PDGFC: variants seen among roughly 807,000 people sequenced by gnomAD.
PDGFC encodes platelet-derived growth factor C.
In PDGFC, 12 loss-of-function variants were observed where a neutral mutation model predicts 35.5. The observed-to-expected ratio is 0.34, with a 90% CI of 0.22 to 0.55. The LOEUF (loss-of-function observed/expected upper bound fraction) is 0.55. Among genes scored for constraint, PDGFC ranks in the 20% least tolerant of loss-of-function variants. The pLI is 0.91. For missense variants in PDGFC, 322 were observed against 412.4 expected (o/e 0.78, Z 1.90); for synonymous variants, 159 against 148.8 (o/e 1.07, Z -0.50).
intron 3 of PDGFC, among the ~76,000 whole-genome samples, chr4:156,790,831 G>C (rs1358910447): frequency 6.6e-5 from 10 of 152,138 alleles, no homozygotes; most frequent in Admixed American, 6.5e-4. Flanking sequence ...TACTGAGAAC[G>C]GGGCAAGCCA....
rs1732580306 is a variant in PDGFC at position 156,971,011 on chromosome 4, G to T, written c.-108C>A. 2.9e-6 allele frequency: 2 copies of T among 697,098 alleles called. No homozygotes were observed. Among genetic ancestry groups the T allele is most frequent in the Admixed American group, 4.5e-5 (2 of 44,296 alleles). The allele number at this position is 697,098 out of a possible 1,614,324, so 43.2% of individuals were successfully genotyped here. A position where few individuals can be genotyped will look rare whatever the true frequency, so the allele number is the denominator to read the frequency against. On this transcript the variant is annotated 5_prime_UTR_variant, in exon 1 of 6. Transcript: ENST00000502773. ...AAGGCTGCACTGGGGTGGAAGCGCC[G>T]AGCCTGCTCTGGCAGCAGAGAATCG...
At chr4:156,906,554 T>C (rs1730919532) in intron 1 of PDGFC, among the ~76,000 whole-genome samples, 1 of 152,192 alleles carries the variant, frequency 6.6e-6, no homozygotes, top group Admixed American at 6.5e-5. Flanking sequence ...TTTCACTACA[T>C]TGTAATTAAG....
intron 1 of PDGFC, among the ~76,000 whole-genome samples, chr4:156,877,828 AT>A (rs1310844887): frequency 5.9e-5 from 9 of 151,890 alleles, no homozygotes; most frequent in Admixed American, 5.9e-4. Flanking sequence ...TGCATCCCAC[AT>A]TTTTTTGCTT....
chr4:156,835,471 A>G (rs1729041074), intron 2 of PDGFC, among the ~76,000 whole-genome samples: 1 of 152,112 alleles, frequency 6.6e-6, no homozygotes, highest in South Asian at 2.1e-4. Context: ...ATATGCTTGG[A>G]TGAAGGCAAA....
intron 3 of PDGFC, among the ~76,000 whole-genome samples, chr4:156,794,581 T>A (rs1731387891): frequency 6.6e-6 from 1 of 151,820 alleles, no homozygotes; most frequent in South Asian, 2.1e-4. Context: ...TTTACTTTGG[T>A]GAGTAATATT....
At chr4:156,772,157 A>G (rs1344288452) in intron 4 of PDGFC, among the ~76,000 whole-genome samples, 1 of 152,180 alleles carries the variant, frequency 6.6e-6, no homozygotes, top group East Asian at 1.9e-4. Flanking sequence ...TCCTGCCTTG[A>G]AAACTATGAA....
At chr4:156,807,210 G>A (rs1323921981) in intron 3 of PDGFC, among the ~76,000 whole-genome samples, 1 of 151,896 alleles carries the variant, frequency 6.6e-6, no homozygotes, top group Non-Finnish European at 1.5e-5. Flanking sequence ...TCATTGAAAT[G>A]CTGTAATTTT....
intron 2 of PDGFC, among the ~76,000 whole-genome samples, chr4:156,819,096 T>C (rs545845556): frequency 2.0e-5 from 3 of 152,182 alleles, no homozygotes; most frequent in Non-Finnish European, 4.4e-5. Flanking sequence ...AGAAGAAAAG[T>C]TGGAAGCTAA....
chr4:156,963,324 G>A (rs1732385893), intron 1 of PDGFC, among the ~76,000 whole-genome samples: 1 of 151,910 alleles, frequency 6.6e-6, no homozygotes, highest in Non-Finnish European at 1.5e-5. Flanking sequence ...ACAAATATTA[G>A]CAGGGAGTGG....
chr4:156,872,207 A>C (rs1730000391), intron 1 of PDGFC, among the ~76,000 whole-genome samples: 1 of 152,164 alleles, frequency 6.6e-6, no homozygotes, highest in African/African-American at 2.4e-5. Flanking sequence ...ATGCTAATAT[A>C]ATATACTTAA....
At chr4:156,914,891 A>C (rs1222650702) in intron 1 of PDGFC, among the ~76,000 whole-genome samples, 2 of 125,290 alleles carry the variant, frequency 1.6e-5, no homozygotes, top group Non-Finnish European at 3.5e-5. Context: ...GCTTTACAAT[A>C]CCCAGGATTG....
rs79079015 is a variant in PDGFC at position 156,814,501 on chromosome 4, C to T, written c.315-3484G>A. 2.6e-3 allele frequency among the ~76,000 whole-genome samples: 396 copies of T among 152,042 alleles called. 1 individual carries two copies. The highest frequency in any genetic ancestry group is 9.0e-3 in the African/African-American group (372 of 41,476). On this transcript the variant is annotated intron_variant, in intron 2 of 5. Transcript: ENST00000502773. ...AACTAAAAAGTATCATTGGATTTGG[C>T]CAGGATGAAGTCATTTCAATACACT...
At chr4:156,966,325 G>A (rs567020081) in intron 1 of PDGFC, among the ~76,000 whole-genome samples, 5 of 152,090 alleles carry the variant, frequency 3.3e-5, no homozygotes, top group African/African-American at 7.2e-5. Context: ...TTCTGATTAC[G>A]TATAATGCTT....
chr4:156,964,298 T>G (rs962255496), intron 1 of PDGFC, among the ~76,000 whole-genome samples: 8 of 151,402 alleles, frequency 5.3e-5, no homozygotes, highest in Non-Finnish European at 7.4e-5. Context: ...TTGCTTAAAG[T>G]ACAGTTCTAA....
chr4:156,917,647 T>C (rs992281834), intron 1 of PDGFC, among the ~76,000 whole-genome samples: 60 of 152,360 alleles, frequency 3.9e-4, no homozygotes, highest in African/African-American at 1.3e-3. Context: ...CCACTGTGCC[T>C]ACCATCCATT....
intron 2 of PDGFC, among the ~76,000 whole-genome samples, chr4:156,832,859 C>T (rs939817831): frequency 6.6e-6 from 1 of 152,182 alleles, no homozygotes; most frequent in African/African-American, 2.4e-5. Context: ...GTGGGCAGTC[C>T]TGCAACCAAT....
chr4:156,958,564 C>A (rs559848245), intron 1 of PDGFC, among the ~76,000 whole-genome samples: 1 of 152,088 alleles, frequency 6.6e-6, no homozygotes, highest in South Asian at 2.1e-4. Flanking sequence ...AATGAGCCAA[C>A]CATGTTTGAC....
chr4:156,941,716 C>A (rs147755415), intron 1 of PDGFC, among the ~76,000 whole-genome samples: 2 of 151,974 alleles, frequency 1.3e-5, no homozygotes, highest in African/African-American at 4.8e-5. Context: ...TATATGAATA[C>A]GTGAGACTTC....
At chr4:156,802,106 T>C (rs1270706495) in intron 3 of PDGFC, among the ~76,000 whole-genome samples, 1 of 152,180 alleles carries the variant, frequency 6.6e-6, no homozygotes, top group African/African-American at 2.4e-5. Flanking sequence ...CTTTAAATAC[T>C]GAAGCCCTCA....
Sources: allele counts gnomAD v4.1 joint callset (sites outside exome capture counted in the v4.1 genomes callset), GRCh38; gene constraint gnomAD v4.1.1; transcripts MANE v1.5; gene names NCBI Gene and HGNC (gene_info 2026-07-23, HGNC 2026-07-21).